The following SUCLG2 variants were observed in gnomAD, a reference collection of about 807,000 sequenced individuals.
The protein encoded by SUCLG2 is succinate-CoA ligase GDP-forming subunit beta.
SUCLG2 carries 42 observed loss-of-function variants against 47.9 expected under a neutral mutation model. That is an observed-to-expected ratio of 0.88 (90% confidence interval 0.69 to 1.14). The LOEUF (loss-of-function observed/expected upper bound fraction) is 1.14, where lower values mean the gene tolerates loss of function less well. Ranked by LOEUF, SUCLG2 falls within the 50% of genes most tolerant of loss-of-function variation. The pLI, the probability that SUCLG2 is intolerant of heterozygous loss-of-function variation, is 0.00. For synonymous variants in SUCLG2, 195 were observed against 197.3 expected (o/e 0.99, Z 0.10); for missense variants, 571 against 525.9 (o/e 1.09, Z -0.84).
intron 2 of SUCLG2, among the ~76,000 whole-genome samples, chr3:67,589,505 C>T (rs1225214381): frequency 1.3e-5 from 2 of 152,090 alleles, no homozygotes; most frequent in African/African-American, 4.8e-5. Context: ...TCTTGGATAC[C>T]CCACTACTGG....
At chr3:67,483,270 T>C (rs577550317) in intron 9 of SUCLG2, among the ~76,000 whole-genome samples, 14 of 152,104 alleles carry the variant, frequency 9.2e-5, no homozygotes, top group African/African-American at 2.4e-4. Flanking sequence ...GCAAGCAACA[T>C]TGCTCAGAAC....
intron 1 of SUCLG2, among the ~76,000 whole-genome samples, chr3:67,645,367 G>A (rs753905081): frequency 7.2e-5 from 11 of 151,956 alleles, no homozygotes; most frequent in Admixed American, 3.3e-4. Flanking sequence ...TCCTAAAAGC[G>A]TCCTCAGGCC....
intron 9 of SUCLG2, among the ~76,000 whole-genome samples, chr3:67,413,012 A>G (rs1379327049): frequency 6.6e-6 from 1 of 152,166 alleles, no homozygotes; most frequent in African/African-American, 2.4e-5. Context: ...ATAAAAGTCA[A>G]ATAAAGCTGC....
At chr3:67,531,226 T>C (rs1021344058) in intron 2 of SUCLG2, among the ~76,000 whole-genome samples, 2 of 152,234 alleles carry the variant, frequency 1.3e-5, no homozygotes, top group Non-Finnish European at 2.9e-5. Context: ...TGTTTTTCTT[T>C]GGAAGACATC....
chr3:67,464,824 T>C (rs543928771), intron 9 of SUCLG2, among the ~76,000 whole-genome samples: 1 of 152,294 alleles, frequency 6.6e-6, no homozygotes, highest in Admixed American at 6.5e-5. Flanking sequence ...GAAATGAGAT[T>C]GGTGGATCAG....
At chr3:67,485,802 A>G (rs1705035810) in intron 9 of SUCLG2, among the ~76,000 whole-genome samples, 1 of 152,232 alleles carries the variant, frequency 6.6e-6, no homozygotes, top group Admixed American at 6.5e-5. Context: ...GAAAAACTAA[A>G]ATTTCCTCAA....
intron 9 of SUCLG2, among the ~76,000 whole-genome samples, chr3:67,481,961 C>A (rs556460337): frequency 6.6e-6 from 1 of 152,160 alleles, no homozygotes; most frequent in African/African-American, 2.4e-5. Flanking sequence ...GGCGGACCAC[C>A]TGAGGTCAGG....
intron 10 of SUCLG2, among the ~76,000 whole-genome samples, chr3:67,383,522 T>G (rs1702202902): frequency 6.6e-6 from 1 of 152,182 alleles, no homozygotes; most frequent in African/African-American, 2.4e-5. Context: ...TGATTTCTTC[T>G]CGCACAGTAA....
At position 67,500,053 on chromosome 3, in the gene SUCLG2, G is replaced by A. The variant is rs147080055; in HGVS notation, c.758-1758C>T. Among the ~76,000 whole-genome samples the A allele has an allele frequency of 3.4e-3, 514 of 152,198 alleles. 2 individuals are homozygous for A. The highest frequency in any genetic ancestry group is 4.7e-3 in the Non-Finnish European group (319 of 68,006). On this transcript the variant is annotated intron_variant, in intron 7 of 10. Transcript: ENST00000307227. ...GCCAATGTTCTTTTACTTAACTTGG[G>A]ATATTGATAGCCAGGAATCTTTGAA...
intron 3 of SUCLG2, 134 bp downstream of exon 3, chr3:67,528,953 G>T: frequency 1.6e-6 from 1 of 634,414 alleles, no homozygotes; most frequent in South Asian, 2.3e-5. Flanking sequence ...CTCTACCTAT[G>T]ATTTCAGTTT....
At chr3:67,616,686 T>TA (rs1343259011) in intron 1 of SUCLG2, among the ~76,000 whole-genome samples, 1 of 152,216 alleles carries the variant, frequency 6.6e-6, no homozygotes, top group Non-Finnish European at 1.5e-5. Context: ...AAGTCTCTAT[T>TA]AACTTTTGTG....
At chr3:67,367,820 A>G (rs1480646247) in intron 10 of SUCLG2, among the ~76,000 whole-genome samples, 1 of 152,170 alleles carries the variant, frequency 6.6e-6, no homozygotes, top group African/African-American at 2.4e-5. Context: ...TTTAGTTTAT[A>G]TTGTTATGGT....
chr3:67,478,763 C>A (rs371231768), intron 9 of SUCLG2, among the ~76,000 whole-genome samples: 1 of 152,182 alleles, frequency 6.6e-6, no homozygotes, highest in African/African-American at 2.4e-5. Flanking sequence ...TCAAAGTACA[C>A]GAGTTCCTGA....
chr3:67,547,143 G>A (rs1174079638), intron 2 of SUCLG2, among the ~76,000 whole-genome samples: 3 of 152,102 alleles, frequency 2.0e-5, no homozygotes, highest in African/African-American at 7.2e-5. Flanking sequence ...CATGGGATTA[G>A]TGCCCTTCTA....
At chr3:67,569,597 GC>G (rs1206013806) in intron 2 of SUCLG2, among the ~76,000 whole-genome samples, 1 of 152,172 alleles carries the variant, frequency 6.6e-6, no homozygotes, top group Non-Finnish European at 1.5e-5. Context: ...ACTTGCTTGG[GC>G]CCCAGGATTC....
chr3:67,367,889 T>A (rs1259731516), intron 10 of SUCLG2, among the ~76,000 whole-genome samples: 1 of 152,210 alleles, frequency 6.6e-6, no homozygotes. Flanking sequence ...ATATTTTATA[T>A]ATGGAATATA....
intron 2 of SUCLG2, among the ~76,000 whole-genome samples, chr3:67,593,024 T>A (rs929262489): frequency 2.0e-5 from 3 of 152,196 alleles, no homozygotes; most frequent in Non-Finnish European, 2.9e-5. Context: ...ATGACCTTTG[T>A]TAGTGACAAC....
chr3:67,428,820 C>A (rs1703380216), intron 9 of SUCLG2, among the ~76,000 whole-genome samples: 1 of 152,006 alleles, frequency 6.6e-6, no homozygotes, highest in African/African-American at 2.4e-5. Flanking sequence ...GCTTCAGTAG[C>A]CGATTTGATC....
At chr3:67,627,635 T>C (rs1364423369) in intron 1 of SUCLG2, among the ~76,000 whole-genome samples, 1 of 152,230 alleles carries the variant, frequency 6.6e-6, no homozygotes, top group Non-Finnish European at 1.5e-5. Flanking sequence ...GGTCTGCCCA[T>C]ATGGGGCACA....
Sources: allele counts gnomAD v4.1 joint callset (sites outside exome capture counted in the v4.1 genomes callset), GRCh38; gene constraint gnomAD v4.1.1; transcripts MANE v1.5; gene names NCBI Gene and HGNC (gene_info 2026-07-23, HGNC 2026-07-21).